The following ZNF335 variants were observed in gnomAD, a reference collection of about 807,000 sequenced individuals.
ZNF335 encodes the protein zinc finger protein 335.
A neutral mutation model predicts 145.6 loss-of-function variants in ZNF335; 84 were observed. The ratio of observed to expected loss-of-function variants is 0.58; its 90% confidence interval spans 0.48 to 0.69. The LOEUF is 0.69. Among genes scored for constraint, ZNF335 ranks in the 30% least tolerant of loss-of-function variants. ZNF335 has a pLI of 0.00. For missense variants in ZNF335, 1,865 were observed against 1,809.7 expected (o/e 1.03, Z -0.55); for synonymous variants, 761 against 717.0 (o/e 1.06, Z -0.98).
rs781712727 is a variant in ZNF335, at chr20:45,949,991, G to C, written c.3566C>G (p.Ala1189Gly). Residue 1189 changes from alanine to glycine, a missense_variant, in exon 23 of 28, where the codon GCC (alanine) becomes GGC (glycine). Ala to Gly is a moderately conservative substitution (Grantham distance 60). Coordinates refer to ENST00000322927, the MANE Select transcript of ZNF335 (RefSeq NM_022095.4). The stretch of plus-strand genomic sequence containing the variant: ...CTGATTGGTCACTGTCTGTTCCTGG[G>C]CAACGATGATGTGTTCCTGGCTCAG... The part of the protein sequence containing the change: ...QALSQEHIIV[A>G]QEQTVTNQEE... 2 of 1,614,170 alleles carry C rather than the reference G, an allele frequency of 1.2e-6. No individual in the cohort carries two copies. Among genetic ancestry groups the C allele is most frequent in the Non-Finnish European group, 1.7e-6 (2 of 1,180,036 alleles).
At chr20:45,960,060 T>G in intron 14 of ZNF335, 148 bp downstream of exon 14, 1 of 944,692 alleles carries the variant, frequency 1.1e-6, no homozygotes, top group Non-Finnish European at 1.5e-6. Flanking sequence ...AATACGCCTA[T>G]GGGAAATTCT....
intron 18 of ZNF335, among the ~76,000 whole-genome samples, chr20:45,953,299 G>A (rs570279878): frequency 3.0e-4 from 45 of 152,216 alleles, no homozygotes; most frequent in Admixed American, 5.9e-4. Context: ...TGCTCGGAGT[G>A]TCAGAACTGA....
rs552798739 is a variant in ZNF335 at position 45,957,504 on chromosome 20, G to A, written c.2442+82C>T. The A allele has an allele frequency of 1.1e-5, 15 of 1,367,298 alleles. No homozygotes were observed. The African/African-American group carries it at 1.1e-4, about 10-fold the overall frequency. The allele number at this position is 1,367,298 out of a possible 1,614,324, so 84.7% of individuals were successfully genotyped here. On this transcript the variant is annotated intron_variant, in intron 17 of 27. Coordinates refer to ENST00000322927, the MANE Select transcript of ZNF335 (RefSeq NM_022095.4). ...AAGGGCGGAGAAGCTCTGATACACTGTTTTCCTCTAGTCCCAGTGTCCAGT... is the reference window on the plus strand; with the variant it reads ...AAGGGCGGAGAAGCTCTGATACACTATTTTCCTCTAGTCCCAGTGTCCAGT...
Position 45,957,946 on chromosome 20 carries a change from G to A in ZNF335, c.2254-18C>T. The A allele has an allele frequency of 6.2e-7, 1 of 1,609,088 alleles. No individual in the cohort carries two copies. The highest frequency in any genetic ancestry group is 8.5e-7 in the Non-Finnish European group (1 of 1,175,574). ...GGGGGTATCTATGGGGTGGAGATAT[G>A]GCCACGCCTGAGAGGGGCCAGCCCA... On this transcript the variant is annotated intron_variant, in intron 15 of 27. Transcript: ENST00000322927.
rs2083904089 is a variant in ZNF335, at chr20:45,964,007, A to C, written c.1103-17T>G. 6.6e-7 allele frequency: 1 copy of C among 1,513,492 alleles called. No homozygotes were observed. The highest frequency in any genetic ancestry group is 8.8e-7 in the Non-Finnish European group (1 of 1,133,464). The allele number at this position is 1,513,492 out of a possible 1,614,324, so 93.8% of individuals were successfully genotyped here. A position where few individuals can be genotyped will look rare whatever the true frequency, so the allele number is the denominator to read the frequency against. On this transcript the variant is annotated splice_polypyrimidine_tract_variant and intron_variant, in intron 7 of 27. Coordinates refer to ENST00000322927, the MANE Select transcript of ZNF335 (RefSeq NM_022095.4). ...CTTCCACACCTGCCACGGACATGCC[A>C]GGTCACAAGCCAGCCACTGACACAC...
chr20:45,971,377 C>T lies in ZNF335; in HGVS notation c.34G>A (p.Ala12Thr), dbSNP rs2084064148. The T allele has an allele frequency of 6.2e-7, 1 of 1,600,664 alleles. No homozygotes were observed. The highest frequency in any genetic ancestry group is 8.5e-7 in the Non-Finnish European group (1 of 1,179,744). ...EENEVESSSD[A>T]APGPGRPEEP... The stretch of plus-strand genomic sequence containing the variant: ...TCGGGCCGGCCAGGCCCAGGGGCCG[C>T]GTCGCTGCTGCTCTCCACCTCGTTC... Residue 12 changes from alanine (A) to threonine (T), a missense_variant, in exon 2 of 28, where the codon GCG becomes ACG. By Grantham distance (58) the Ala-to-Thr change is moderately conservative. Coordinates refer to ENST00000322927, the MANE Select transcript of ZNF335 (RefSeq NM_022095.4).
Position 45,950,173 on chromosome 20 carries a change from C to G in ZNF335, c.3487+46G>C, listed in dbSNP as rs115628563. ...CCTTTTGGGGCAGTGGCCCAAGTCT[C>G]TGGATCTACCCTGTTGCCCACCCTG... On this transcript the variant is annotated intron_variant, in intron 22 of 27. Coordinates refer to ENST00000322927, the MANE Select transcript of ZNF335 (RefSeq NM_022095.4). 1,037 of 1,576,986 alleles carry G rather than the reference C, an allele frequency of 6.6e-4. 7 individuals are homozygous for G. In the African/African-American group the frequency reaches 0.013, roughly 19 times the overall value.
chr20:45,968,538 G>A (rs2084003016), intron 3 of ZNF335, 176 bp from the exon 4 acceptor site: 1 of 572,602 alleles, frequency 1.7e-6, no homozygotes, highest in Non-Finnish European at 3.1e-6. Flanking sequence ...CCCCTGGCAG[G>A]GCTGTCTGGA....
In ZNF335 at chr20:45,952,678, C is replaced by T; in HGVS notation, c.2734G>A (p.Val912Met). 1.2e-6 allele frequency: 2 copies of T among 1,613,672 alleles called. No homozygotes were observed. Among genetic ancestry groups the T allele is most frequent in the East Asian group, 4.5e-5 (2 of 44,862 alleles). The change falls in exon 19 of 28, where the codon GTG (valine) becomes ATG (methionine). Residue 912 changes from valine to methionine, a missense_variant. Transcript: ENST00000322927. ...TCTTTTAGGGTGTCACTCACAACCA[C>T]AGCCTGGGCTGCCTCTCCTGCGGGC... ...EEPAGEAAQA[V>M]VVSDTLKEAG...
intron 13 of ZNF335, 21 bp downstream of exon 13, chr20:45,960,427 AG>A (rs2083818257): frequency 6.2e-7 from 1 of 1,614,024 alleles, no homozygotes; most frequent in Non-Finnish European, 8.5e-7. Context: ...TCCCGTCCCC[AG>A]GGGCCTCCAA....
rs2083759569 is a variant in ZNF335, at chr20:45,957,936, G to A, written c.2254-8C>T. 3.1e-6 allele frequency: 5 copies of A among 1,613,506 alleles called. No homozygotes were observed. Among genetic ancestry groups the A allele is most frequent in the Non-Finnish European group, 3.4e-6 (4 of 1,179,550 alleles). The stretch of plus-strand genomic sequence containing the variant: ...TGTCGCCTCTGGGGGTATCTATGGG[G>A]TGGAGATATGGCCACGCCTGAGAGG... On this transcript the variant is annotated splice_region_variant and splice_polypyrimidine_tract_variant and intron_variant, in intron 15 of 27. Coordinates refer to ENST00000322927, the MANE Select transcript of ZNF335 (RefSeq NM_022095.4).
intron 23 of ZNF335, 23 bp downstream of exon 23, chr20:45,949,943 G>A (rs1329103194): frequency 6.2e-7 from 1 of 1,614,072 alleles, no homozygotes; most frequent in East Asian, 2.2e-5. Flanking sequence ...GCTGGCCAGA[G>A]GGCCCCCAGT....
In ZNF335 at chr20:45,960,737, G is replaced by T; in HGVS notation, c.1666-5C>A. 6.2e-7 allele frequency: 1 copy of T among 1,613,506 alleles called. No homozygotes were observed. Among genetic ancestry groups the T allele is most frequent in the Non-Finnish European group, 8.5e-7 (1 of 1,179,544 alleles). The stretch of plus-strand genomic sequence containing the variant: ...GAAAGAGCTCAGCTTTGGAGTCTAG[G>T]AAGGCATAAGAAGGGGCCAGATGGA... On this transcript the variant is annotated splice_region_variant and splice_polypyrimidine_tract_variant and intron_variant, in intron 11 of 27. Transcript: ENST00000322927.
chr20:45,956,202 A>T (rs1648844340), intron 17 of ZNF335, among the ~76,000 whole-genome samples: 1 of 152,050 alleles, frequency 6.6e-6, no homozygotes, highest in African/African-American at 2.4e-5. Flanking sequence ...CTTCTACTGA[A>T]ACATTTCCTA....
chr20:45,971,576 G>C (rs1251108091), intron 1 of ZNF335, 116 bp from the exon 2 acceptor site: 1 of 1,448,418 alleles, frequency 6.9e-7, no homozygotes, highest in African/African-American at 1.4e-5. Context: ...TTGAGTCTCC[G>C]ACGGGGCGGA....
intron 2 of ZNF335, 86 bp downstream of exon 2, chr20:45,971,124 A>G: frequency 3.5e-6 from 5 of 1,439,332 alleles, no homozygotes; most frequent in Non-Finnish European, 4.5e-6. Context: ...AGTATTAGCT[A>G]CAAACAAGCC....
At chr20:45,960,121 G>A (rs1356697546) in intron 14 of ZNF335, 87 bp downstream of exon 14, 4 of 1,469,124 alleles carry the variant, frequency 2.7e-6, no homozygotes, top group Non-Finnish European at 3.7e-6. Context: ...TACCGAGGGG[G>A]AAGGAAGAGG....
rs1416475007 is a variant in ZNF335, at chr20:45,952,441, C to T, written c.2895G>A (p.Gly965=). Residue 965 remains glycine, a synonymous_variant, in exon 20 of 28, where the codon GGG becomes GGA. Coordinates refer to ENST00000322927, the MANE Select transcript of ZNF335 (RefSeq NM_022095.4). The part of the protein sequence containing the change: ...SGAKWPLLQC[G]GLPRDGPEPP... ...GCTCAGGGCCGTCTCTGGGCAGTCCCCCACACTGCAGCAGGGGCCATTTGG... is the reference window on the plus strand; with the variant it reads ...GCTCAGGGCCGTCTCTGGGCAGTCCTCCACACTGCAGCAGGGGCCATTTGG... 6.4e-7 allele frequency: 1 copy of T among 1,568,686 alleles called. No homozygotes were observed. The highest frequency in any genetic ancestry group is 8.7e-7 in the Non-Finnish European group (1 of 1,154,482).
Position 45,963,955 on chromosome 20 carries a change from C to T in ZNF335, c.1138G>A (p.Gly380Arg), listed in dbSNP as rs766255429. 5.9e-6 allele frequency: 9 copies of T among 1,536,282 alleles called. No individual in the cohort carries two copies. In the Admixed American group the frequency reaches 1.5e-4, roughly 25 times the overall value. Residue 380 changes from glycine to arginine, a missense_variant, in exon 8 of 28, where the codon GGA becomes AGA. Coordinates refer to ENST00000322927, the MANE Select transcript of ZNF335 (RefSeq NM_022095.4). ...TCCTGTGGCTCTGGAGGGCTCTGTC[C>T]ACTCTGGGAACTCACTAGAGGCTCT... is the stretch of plus-strand genomic sequence containing the variant. ...EGEPLVSSQS[G>R]QSPPEPQDPE...
Sources: allele counts gnomAD v4.1 joint callset (sites outside exome capture counted in the v4.1 genomes callset), GRCh38; gene constraint gnomAD v4.1.1; transcripts MANE v1.5; gene names NCBI Gene and HGNC (gene_info 2026-07-23, HGNC 2026-07-21).